Variants in VAV3 observed in about 807,000 individuals in gnomAD.
The protein encoded by VAV3 is vav guanine nucleotide exchange factor 3, also known as guanine nucleotide exchange factor VAV3.
In VAV3, 94 loss-of-function variants were observed where a neutral mutation model predicts 131.2. That is an observed-to-expected ratio of 0.72 (90% CI 0.61 to 0.85). VAV3 has a LOEUF of 0.85. Among genes scored for constraint, VAV3 ranks in the 40% least tolerant of loss-of-function variants. VAV3 has a pLI of 0.00. For missense variants in VAV3, 939 were observed against 1,002.7 expected, an observed-to-expected ratio of 0.94 and a Z score of 0.86; for synonymous variants, 349 against 342.0, an observed-to-expected ratio of 1.02 and a Z score of -0.22.
chr1:107,696,471 G>A (rs1442011617), intron 17 of VAV3, among the ~76,000 whole-genome samples: 3 of 151,950 alleles, frequency 2.0e-5, no homozygotes, highest in South Asian at 4.2e-4. Context: ...TGCCTTTCAC[G>A]CCAACTATGC....
chr1:107,863,332 A>T (rs1669830449), intron 2 of VAV3, among the ~76,000 whole-genome samples: 1 of 152,138 alleles, frequency 6.6e-6, no homozygotes. Flanking sequence ...CCTCAGTTTC[A>T]AGTCTGCTCC....
rs75366703 is a variant in VAV3 at position 107,880,404 on chromosome 1, G to A, written c.205-5387C>T. ...GATGGACACTTCTCTGGACAAGAGC[G>A]CTGACAGAAGGAACAGAAGAGGGGA... On this transcript the variant is annotated intron_variant, in intron 1 of 26. Coordinates refer to ENST00000370056, the MANE Select transcript of VAV3 (RefSeq NM_006113.5). Among the ~76,000 whole-genome samples, 628 of 152,270 alleles carry A rather than the reference G, an allele frequency of 4.1e-3. 5 individuals are homozygous for A. The highest frequency in any genetic ancestry group is 0.014 in the African/African-American group (588 of 41,532).
intron 17 of VAV3, among the ~76,000 whole-genome samples, chr1:107,701,747 G>T (rs1483493615): frequency 6.6e-6 from 1 of 152,038 alleles, no homozygotes; most frequent in Non-Finnish European, 1.5e-5. Flanking sequence ...TCTAGGGTGG[G>T]GCACAATGCC....
chr1:107,803,437 G>A (rs139961442), intron 2 of VAV3, among the ~76,000 whole-genome samples: 18 of 151,868 alleles, frequency 1.2e-4, no homozygotes, highest in African/African-American at 4.1e-4. Flanking sequence ...ACAGATTTTG[G>A]TATGTCATAT....
At chr1:107,737,526 C>T (rs1662731100) in intron 15 of VAV3, among the ~76,000 whole-genome samples, 1 of 152,060 alleles carries the variant, frequency 6.6e-6, no homozygotes, top group African/African-American at 2.4e-5. Flanking sequence ...TCAAACAACC[C>T]ATCAAAAAGT....
intron 15 of VAV3, among the ~76,000 whole-genome samples, chr1:107,725,878 A>G (rs1661809344): frequency 6.6e-6 from 1 of 152,158 alleles, no homozygotes; most frequent in Non-Finnish European, 1.5e-5. Context: ...AATATCTGGC[A>G]GTCACAGTAG....
At chr1:107,752,442 C>T (rs12737373) in intron 12 of VAV3, among the ~76,000 whole-genome samples, 11,868 of 152,170 alleles carry the variant, frequency 0.078, 523 homozygotes, top group African/African-American at 0.091. Flanking sequence ...ATTATTTCTT[C>T]GAGATTGATA....
chr1:107,911,401 G>T (rs1226430728), intron 1 of VAV3, among the ~76,000 whole-genome samples: 1 of 152,112 alleles, frequency 6.6e-6, no homozygotes, highest in Non-Finnish European at 1.5e-5. Context: ...AATGATAGTA[G>T]GTCACCCATG....
intron 25 of VAV3, among the ~76,000 whole-genome samples, chr1:107,586,327 T>C (rs974825640): frequency 1.3e-5 from 2 of 152,128 alleles, no homozygotes; most frequent in African/African-American, 4.8e-5. Flanking sequence ...TCAATTAAGA[T>C]CTGTTGAATG....
chr1:107,605,331 A>G (rs1652181282), intron 22 of VAV3, among the ~76,000 whole-genome samples: 1 of 152,118 alleles, frequency 6.6e-6, no homozygotes, highest in Admixed American at 6.5e-5. Context: ...TTATCATAGG[A>G]GTGGTTAGCT....
intron 2 of VAV3, among the ~76,000 whole-genome samples, chr1:107,798,637 T>C (rs1666672683): frequency 1.4e-5 from 2 of 141,512 alleles, no homozygotes; most frequent in South Asian, 4.3e-4. Context: ...GAGAATGGCG[T>C]GAACCCAGGA....
chr1:107,749,473 C>G lies in VAV3; in HGVS notation c.1381G>C (p.Glu461Gln). 1 of 1,589,116 alleles carries G rather than the reference C, an allele frequency of 6.3e-7. No homozygotes were observed. The highest frequency in any genetic ancestry group is 8.5e-7 in the Non-Finnish European group (1 of 1,173,566). ...KIANNPTTDK[E>Q]NKKWSYGFYL... ...TTCCAAAAAGTCACCTTTTTGTTTT[C>G]TTTATCGGTTGTAGGATTATTGGCT... is the stretch of plus-strand genomic sequence containing the variant. Residue 461 changes from glutamate to glutamine, a missense_variant, in exon 14 of 27, where the codon GAA becomes CAA. Transcript: ENST00000370056.
At chr1:107,901,481 T>C (rs72983443) in intron 1 of VAV3, among the ~76,000 whole-genome samples, 2 of 152,194 alleles carry the variant, frequency 1.3e-5, no homozygotes, top group Admixed American at 6.5e-5. Flanking sequence ...ATTCAGCAGA[T>C]GCAGTGGTTA....
intron 19 of VAV3, among the ~76,000 whole-genome samples, chr1:107,645,026 C>A (rs1237966498): frequency 6.7e-6 from 1 of 150,076 alleles, no homozygotes; most frequent in Non-Finnish European, 1.5e-5. Flanking sequence ...TCTAGTCCCA[C>A]TTATTCCTAA....
chr1:107,607,568 C>T (rs1236840146), intron 22 of VAV3, among the ~76,000 whole-genome samples: 1 of 152,082 alleles, frequency 6.6e-6, no homozygotes, highest in Admixed American at 6.6e-5. Context: ...CATAATATAC[C>T]TTCTAACTCC....
intron 2 of VAV3, among the ~76,000 whole-genome samples, chr1:107,842,728 A>G (rs535808929): frequency 1.8e-4 from 28 of 152,026 alleles, no homozygotes; most frequent in Admixed American, 5.9e-4. Context: ...TACGCATTTT[A>G]ATTTTTCTTC....
intron 15 of VAV3, among the ~76,000 whole-genome samples, chr1:107,706,686 C>T (rs1660474030): frequency 6.6e-6 from 1 of 152,140 alleles, no homozygotes; most frequent in Non-Finnish European, 1.5e-5. Flanking sequence ...GCATTGAAAA[C>T]TCCATCAAAA....
At chr1:107,906,805 A>G (rs1672131925) in intron 1 of VAV3, among the ~76,000 whole-genome samples, 1 of 152,220 alleles carries the variant, frequency 6.6e-6, no homozygotes, top group Non-Finnish European at 1.5e-5. Flanking sequence ...AAGCAGGGTG[A>G]GAAGGAAGAA....
rs547289167 is a variant in VAV3 at position 107,737,290 on chromosome 1, C to T, written c.1502+11678G>A. On this transcript the variant is annotated intron_variant, in intron 15 of 26. Transcript: ENST00000370056. The stretch of plus-strand genomic sequence containing the variant: ...TAGGCAATACCATTCAGGACATAGG[C>T]ATGGGCAAGGACTTCATGTCTAAAA... Among the ~76,000 whole-genome samples, 436 of 152,292 alleles carry T rather than the reference C, an allele frequency of 2.9e-3. 1 individual carries two copies. Among genetic ancestry groups the T allele is most frequent in the Non-Finnish European group, 4.7e-3 (321 of 68,034 alleles).
Sources: gnomAD v4.1 joint callset for allele counts (sites outside exome capture counted in the v4.1 genomes callset) on GRCh38, gnomAD v4.1.1 for gene constraint, MANE v1.5 for transcripts, NCBI Gene and HGNC (gene_info 2026-07-23, HGNC 2026-07-21) for gene names.